Variants in NCAM2 observed in about 807,000 individuals in gnomAD.
The protein encoded by NCAM2 is N-CAM-2.
A neutral mutation model predicts 98.1 loss-of-function variants in NCAM2; 30 were observed. The ratio of observed to expected loss-of-function variants is 0.31; its 90% CI spans 0.23 to 0.41. NCAM2 has a LOEUF of 0.41. Among genes scored for constraint, NCAM2 ranks in the 10% least tolerant of loss-of-function variants. The pLI is 1.00. For missense variants in NCAM2, 867 were observed against 1,005.8 expected (o/e 0.86, Z 1.87); for synonymous variants, 368 against 342.4 (o/e 1.07, Z -0.83).
At chr21:21,372,406 T>C (rs931330292) in intron 8 of NCAM2, among the ~76,000 whole-genome samples, 2 of 151,816 alleles carry the variant, frequency 1.3e-5, no homozygotes, top group Admixed American at 1.3e-4. Flanking sequence ...CTTTGTTTTC[T>C]AATCATCTTA....
At chr21:21,418,340 A>G in intron 10 of NCAM2, 133 bp from the exon 11 acceptor site, 1 of 646,866 alleles carries the variant, frequency 1.5e-6, no homozygotes, top group East Asian at 2.8e-5. Context: ...CTTAATAAAG[A>G]AAATTAAAAA....
chr21:21,094,062 G>A (rs2066068234), intron 1 of NCAM2, among the ~76,000 whole-genome samples: 1 of 151,846 alleles, frequency 6.6e-6, no homozygotes, highest in African/African-American at 2.4e-5. Flanking sequence ...GTCCATGAGA[G>A]GAGATCCAGT....
intron 15 of NCAM2, 62 bp downstream of exon 15, chr21:21,477,533 CCTTA>C: frequency 4.8e-6 from 6 of 1,246,984 alleles, no homozygotes; most frequent in Non-Finnish European, 6.4e-6. Context: ...TTTTTATAAC[CCTTA>C]CTGACTTTTC....
At chr21:21,041,063 A>G (rs1232672049) in intron 1 of NCAM2, among the ~76,000 whole-genome samples, 1 of 152,192 alleles carries the variant, frequency 6.6e-6, no homozygotes, top group African/African-American at 2.4e-5. Flanking sequence ...ATTATGTGCC[A>G]TTTAAAAATA....
intron 1 of NCAM2, among the ~76,000 whole-genome samples, chr21:21,261,006 AAAGTT>A (rs1285821086): frequency 6.6e-6 from 1 of 152,204 alleles, no homozygotes; most frequent in Non-Finnish European, 1.5e-5. Context: ...AGATTGAAGT[AAAGTT>A]ATGTCACACA....
chr21:21,462,383 A>C (rs541527362), intron 12 of NCAM2, among the ~76,000 whole-genome samples: 8 of 152,104 alleles, frequency 5.3e-5, no homozygotes, highest in African/African-American at 1.7e-4. Context: ...GAGCTTAATT[A>C]GTTACCAAAT....
At chr21:21,194,447 G>T (rs2068935184) in intron 1 of NCAM2, among the ~76,000 whole-genome samples, 1 of 151,960 alleles carries the variant, frequency 6.6e-6, no homozygotes, top group South Asian at 2.1e-4. Context: ...ATAAAGATGT[G>T]AAAACCTAGA....
intron 1 of NCAM2, among the ~76,000 whole-genome samples, chr21:21,197,461 G>A (rs1479346332): frequency 6.6e-6 from 1 of 152,106 alleles, no homozygotes; most frequent in African/African-American, 2.4e-5. Flanking sequence ...CCAGTCTCAG[G>A]TGTTTCTTTG....
chr21:21,156,579 T>TATAGATAGATAG (rs10654392), intron 1 of NCAM2, among the ~76,000 whole-genome samples: 1,967 of 148,754 alleles, frequency 0.013, 19 homozygotes, highest in Non-Finnish European at 0.018. Flanking sequence ...ATAGATAGAT[T>TATAGATAGATAG]ATAGATAGAT....
intron 1 of NCAM2, among the ~76,000 whole-genome samples, chr21:21,020,912 G>C (rs182110653): frequency 3.3e-5 from 5 of 152,062 alleles, no homozygotes; most frequent in African/African-American, 1.2e-4. Context: ...CTAGAGTACC[G>C]TCCATGCTTG....
intron 1 of NCAM2, among the ~76,000 whole-genome samples, chr21:21,181,929 A>T (rs1220889335): frequency 6.6e-6 from 1 of 151,616 alleles, no homozygotes; most frequent in African/African-American, 2.4e-5. Flanking sequence ...TTGGTGGCTT[A>T]TGCCTATAAT....
chr21:21,157,872 C>T (rs181497852), intron 1 of NCAM2, among the ~76,000 whole-genome samples: 2 of 152,160 alleles, frequency 1.3e-5, no homozygotes, highest in African/African-American at 4.8e-5. Context: ...TTGGAAAGTT[C>T]TTTCTCCAGT....
chr21:21,264,753 CAT>C (rs201000557), intron 1 of NCAM2, among the ~76,000 whole-genome samples: 3 of 14,864 alleles, frequency 2.0e-4, no homozygotes, highest in African/African-American at 3.2e-4. Context: ...TATATATATA[CAT>C]ATATATATAT....
chr21:21,235,909 T>G (rs2070801449), intron 1 of NCAM2, among the ~76,000 whole-genome samples: 1 of 152,098 alleles, frequency 6.6e-6, no homozygotes, highest in Admixed American at 6.6e-5. Flanking sequence ...GTTAGTATTA[T>G]TAGTAGTAAT....
At chr21:21,162,900 T>G (rs1408500772) in intron 1 of NCAM2, among the ~76,000 whole-genome samples, 3 of 152,152 alleles carry the variant, frequency 2.0e-5, no homozygotes, top group African/African-American at 7.2e-5. Flanking sequence ...AAAGATATCA[T>G]GAACAGTAGT....
chr21:21,414,198 C>G (rs921397578), intron 10 of NCAM2, among the ~76,000 whole-genome samples: 1 of 152,156 alleles, frequency 6.6e-6, no homozygotes, highest in Non-Finnish European at 1.5e-5. Context: ...ATTTCTAATT[C>G]TAGCTCTCTA....
chr21:21,214,475 A>G (rs1444605938), intron 1 of NCAM2, among the ~76,000 whole-genome samples: 1 of 151,826 alleles, frequency 6.6e-6, no homozygotes, highest in Non-Finnish European at 1.5e-5. Context: ...TTAAGATTTG[A>G]TTTCTTCTTA....
At chr21:21,147,235 G>C in intron 1 of NCAM2, 5 of 985,288 alleles carry the variant, frequency 5.1e-6, no homozygotes, top group Non-Finnish European at 6.0e-6. Flanking sequence ...GTCCGTACCC[G>C]GCATTTCAAC....
At chr21:21,526,719 A>G (rs1989344541) in intron 16 of NCAM2, among the ~76,000 whole-genome samples, 2 of 152,180 alleles carry the variant, frequency 1.3e-5, no homozygotes, top group South Asian at 2.1e-4. Context: ...TCCAACTTCA[A>G]TACTTACTAT....
Sources: allele counts gnomAD v4.1 joint callset (sites outside exome capture counted in the v4.1 genomes callset), GRCh38; gene constraint gnomAD v4.1.1; transcripts MANE v1.5; gene names NCBI Gene and HGNC (gene_info 2026-07-23, HGNC 2026-07-21).